Variants in RARB observed in about 807,000 individuals in gnomAD.
RARB encodes the protein HBV-activated protein.
RARB carries 17 observed loss-of-function variants against 51.9 expected under a neutral mutation model. The ratio of observed to expected loss-of-function variants is 0.33; its 90% CI spans 0.22 to 0.49. The LOEUF is 0.49. Ranked by LOEUF, RARB falls within the 20% of genes least tolerant of loss-of-function variation. The pLI is 0.99. For synonymous variants in RARB, 215 were observed against 195.4 expected, an observed-to-expected ratio of 1.10 and a Z score of -0.84; for missense variants, 369 against 550.8, an observed-to-expected ratio of 0.67 and a Z score of 3.30.
intron 2 of RARB, among the ~76,000 whole-genome samples, chr3:24,950,529 G>C (rs1009045012): frequency 6.6e-6 from 1 of 152,124 alleles, no homozygotes; most frequent in African/African-American, 2.4e-5. Context: ...AAATGCATTT[G>C]AAATATCACA....
intron 3 of RARB, among the ~76,000 whole-genome samples, chr3:25,092,527 A>G (rs1249662340): frequency 6.6e-6 from 1 of 152,122 alleles, no homozygotes; most frequent in African/African-American, 2.4e-5. Flanking sequence ...GTGTGCCTGT[A>G]AAGTATACAA....
At chr3:25,515,386 A>C (rs1007235674) in intron 3 of RARB, among the ~76,000 whole-genome samples, 1 of 152,224 alleles carries the variant, frequency 6.6e-6, no homozygotes, top group Non-Finnish European at 1.5e-5. Context: ...AAAGCTAAAC[A>C]TACCAATATG....
chr3:25,538,303 A>G (rs1699226805), intron 3 of RARB, among the ~76,000 whole-genome samples: 1 of 152,192 alleles, frequency 6.6e-6, no homozygotes, highest in Non-Finnish European at 1.5e-5. Context: ...CGACTCAGTT[A>G]TATCATTAAA....
intron 2 of RARB, among the ~76,000 whole-genome samples, chr3:25,490,807 C>T (rs1301504784): frequency 6.6e-6 from 1 of 152,064 alleles, no homozygotes; most frequent in African/African-American, 2.4e-5. Context: ...CTATGGATTT[C>T]ACCAAGGAAG....
chr3:25,051,278 A>G (rs554888555), intron 2 of RARB, among the ~76,000 whole-genome samples: 2 of 152,276 alleles, frequency 1.3e-5, no homozygotes, highest in South Asian at 4.1e-4. Flanking sequence ...GAAACGTGTA[A>G]TTGTTGTTGT....
intron 5 of RARB, among the ~76,000 whole-genome samples, chr3:25,406,594 C>T (rs775772746): frequency 6.6e-6 from 1 of 152,218 alleles, no homozygotes; most frequent in South Asian, 2.1e-4. Context: ...ATTAGGACTC[C>T]ACCCTAACAC....
intron 5 of RARB, among the ~76,000 whole-genome samples, chr3:25,408,344 A>C (rs1707469858): frequency 6.6e-6 from 1 of 152,096 alleles, no homozygotes; most frequent in Non-Finnish European, 1.5e-5. Flanking sequence ...ATCATGGTGA[A>C]AGACAAAGGG....
At chr3:24,967,102 T>G (rs1346975590) in intron 2 of RARB, among the ~76,000 whole-genome samples, 2 of 152,228 alleles carry the variant, frequency 1.3e-5, no homozygotes, top group East Asian at 3.9e-4. Flanking sequence ...ACAGAGAAAT[T>G]TCCATATTAT....
chr3:25,580,979 G>A (rs894171958), intron 5 of RARB, among the ~76,000 whole-genome samples: 3 of 152,144 alleles, frequency 2.0e-5, no homozygotes, highest in Non-Finnish European at 4.4e-5. Flanking sequence ...ACAGGTGAAT[G>A]CTGGTCTGTT....
At chr3:25,222,993 T>C (rs1280472027) in intron 5 of RARB, among the ~76,000 whole-genome samples, 1 of 152,224 alleles carries the variant, frequency 6.6e-6, no homozygotes, top group East Asian at 1.9e-4. Context: ...TTTAAGAAGG[T>C]AGATAGAAAT....
At chr3:25,436,484 A>G (rs1292394255) in intron 1 of RARB, among the ~76,000 whole-genome samples, 1 of 152,262 alleles carries the variant, frequency 6.6e-6, no homozygotes, top group African/African-American at 2.4e-5. Flanking sequence ...ATAACAGTCA[A>G]TCAAATGAAT....
intron 1 of RARB, among the ~76,000 whole-genome samples, chr3:25,436,084 AT>A (rs1479925106): frequency 6.6e-6 from 1 of 152,106 alleles, no homozygotes; most frequent in Non-Finnish European, 1.5e-5. Context: ...ATCTTTTTGG[AT>A]TAAGATCGTC....
intron 2 of RARB, among the ~76,000 whole-genome samples, chr3:25,003,963 C>T (rs545238343): frequency 1.3e-5 from 2 of 152,094 alleles, no homozygotes; most frequent in East Asian, 3.9e-4. Flanking sequence ...GCATGCAGGT[C>T]ATGCATAATA....
chr3:25,220,731 CT>C (rs1278099975), intron 5 of RARB, among the ~76,000 whole-genome samples: 1 of 152,206 alleles, frequency 6.6e-6, no homozygotes, highest in East Asian at 1.9e-4. Context: ...CCATACAGAA[CT>C]GTGAATCAAT....
chr3:25,259,688 T>G (rs929766721), intron 5 of RARB, among the ~76,000 whole-genome samples: 4 of 152,322 alleles, frequency 2.6e-5, no homozygotes, highest in Middle Eastern at 3.4e-3. Flanking sequence ...ATTCATACAT[T>G]TTTAAATAAA....
rs192023663 is a variant in RARB at position 25,507,477 on chromosome 3, A to G, written c.448+6154A>G. On this transcript the variant is annotated intron_variant, in intron 3 of 7. Transcript: ENST00000330688. ...TATTGACTAACAGCCCAGGCGTGACATGAGAATTGATGCTTTTAATCCTGT... is the reference window on the plus strand; with the variant it reads ...TATTGACTAACAGCCCAGGCGTGACGTGAGAATTGATGCTTTTAATCCTGT... Among the ~76,000 whole-genome samples the G allele has an allele frequency of 2.8e-3, 431 of 152,304 alleles. 4 individuals carry two copies. The highest frequency in any genetic ancestry group is 9.9e-3 in the African/African-American group (412 of 41,558).
intron 5 of RARB, among the ~76,000 whole-genome samples, chr3:25,584,692 G>A (rs779459806): frequency 8.0e-4 from 121 of 152,136 alleles, no homozygotes; most frequent in Non-Finnish European, 1.6e-3. Flanking sequence ...CTCCTTCTTG[G>A]TATCCTATAG....
intron 2 of RARB, among the ~76,000 whole-genome samples, chr3:25,046,453 T>C (rs780564208): frequency 3.4e-4 from 52 of 152,192 alleles, no homozygotes; most frequent in African/African-American, 1.1e-3. Flanking sequence ...ATAAAAAATA[T>C]TATAATTTTT....
intron 5 of RARB, among the ~76,000 whole-genome samples, chr3:25,275,063 C>T (rs1703349300): frequency 6.6e-6 from 1 of 152,200 alleles, no homozygotes. Flanking sequence ...CTTCTCTTGG[C>T]CCCATGCTCT....
Sources: gnomAD v4.1 joint callset for allele counts (sites outside exome capture counted in the v4.1 genomes callset) on GRCh38, gnomAD v4.1.1 for gene constraint, MANE v1.5 for transcripts, NCBI Gene and HGNC (gene_info 2026-07-23, HGNC 2026-07-21) for gene names.